The following COL26A1 variants were observed in gnomAD, a reference collection of about 807,000 sequenced individuals.
The protein encoded by COL26A1 is collagen alpha-1(XXVI) chain.
COL26A1 carries 41 observed loss-of-function variants against 59.3 expected under a neutral mutation model. The ratio of observed to expected loss-of-function variants is 0.69; its 90% confidence interval spans 0.54 to 0.90. COL26A1 has a LOEUF of 0.90. Among genes scored for constraint, COL26A1 ranks in the 40% least tolerant of loss-of-function variants. The probability of loss-of-function intolerance (pLI) is 0.00; values close to 1 mark genes in which losing one functional copy is unlikely to be tolerated. For missense variants in COL26A1, 612 were observed against 602.3 expected (o/e 1.02, Z -0.17); for synonymous variants, 266 against 256.0 (o/e 1.04, Z -0.37).
chr7:101,383,817 G>A (rs546239437), intron 1 of COL26A1, among the ~76,000 whole-genome samples: 3 of 152,240 alleles, frequency 2.0e-5, no homozygotes, highest in Admixed American at 6.5e-5. Context: ...TTACAGGCAT[G>A]AGCCACAGCG....
intron 3 of COL26A1, among the ~76,000 whole-genome samples, chr7:101,482,772 C>T (rs1794184461): frequency 6.6e-6 from 1 of 152,292 alleles, no homozygotes; most frequent in South Asian, 2.1e-4. Context: ...GCCTGGCCAA[C>T]ATGGTGAAAA....
intron 3 of COL26A1, among the ~76,000 whole-genome samples, chr7:101,502,588 C>T (rs35290372): frequency 0.058 from 8,870 of 152,278 alleles, 343 homozygotes; most frequent in Non-Finnish European, 0.088. Flanking sequence ...GTGGAGAACA[C>T]AGGACCGGGG....
chr7:101,449,548 C>T (rs979911848), intron 3 of COL26A1, among the ~76,000 whole-genome samples: 3 of 152,190 alleles, frequency 2.0e-5, no homozygotes, highest in East Asian at 1.9e-4. Context: ...GCCGGAGGAT[C>T]GCTTGAGCCC....
chr7:101,547,169 G>T lies in COL26A1; in HGVS notation c.870G>T (p.Arg290Ser). The part of the protein sequence containing the change: ...PPTDKDNGDS[R>S]LASAIVDTVL... ...CTCTTCCCACAGATGGAGACTCAAG[G>T]CTGGCCTCTGCCATCGTGGACACAG... Residue 290 changes from arginine to serine, a missense_variant, in exon 8 of 13, where the codon AGG becomes AGT. Coordinates refer to ENST00000313669, the MANE Select transcript of COL26A1 (RefSeq NM_001278563.3). The T allele has an allele frequency of 6.3e-7, 1 of 1,596,410 alleles. No homozygotes were observed. The highest frequency in any genetic ancestry group is 2.3e-5 in the East Asian group (1 of 43,882).
intron 1 of COL26A1, among the ~76,000 whole-genome samples, chr7:101,402,298 TC>T (rs936163805): frequency 2.0e-4 from 31 of 152,168 alleles, no homozygotes; most frequent in Admixed American, 6.5e-4. Flanking sequence ...TCAGGGATTT[TC>T]CCCCCCAAGT....
intron 3 of COL26A1, among the ~76,000 whole-genome samples, chr7:101,520,663 C>CACACACACACACACACACACAT (rs57784373): frequency 7.2e-6 from 1 of 139,066 alleles, no homozygotes; most frequent in Non-Finnish European, 1.5e-5. Flanking sequence ...CACACACACA[C>CACACACACACACACACACACAT]CCCCGTGTTC....
intron 1 of COL26A1, among the ~76,000 whole-genome samples, chr7:101,365,625 CG>C (rs1352856070): frequency 1.3e-5 from 2 of 151,934 alleles, no homozygotes; most frequent in Non-Finnish European, 2.9e-5. Context: ...AAAAATGTAA[CG>C]TTGGCCAGGC....
At chr7:101,380,356 C>T (rs1043003991) in intron 1 of COL26A1, among the ~76,000 whole-genome samples, 4 of 144,852 alleles carry the variant, frequency 2.8e-5, no homozygotes, top group Admixed American at 7.1e-5. Context: ...AGTGCAGTGG[C>T]GCTATCTTGG....
intron 1 of COL26A1, among the ~76,000 whole-genome samples, chr7:101,378,274 G>T (rs556394476): frequency 6.6e-6 from 1 of 152,104 alleles, no homozygotes; most frequent in African/African-American, 2.4e-5. Flanking sequence ...CAGCTACTTG[G>T]TATTGGCTCT....
intron 1 of COL26A1, among the ~76,000 whole-genome samples, chr7:101,385,537 A>C (rs1481528480): frequency 1.3e-5 from 2 of 151,032 alleles, no homozygotes; most frequent in African/African-American, 4.9e-5. Flanking sequence ...TGCCCAGCTA[A>C]TTTTTGTATT....
intron 1 of COL26A1, among the ~76,000 whole-genome samples, chr7:101,406,030 G>A (rs780646518): frequency 2.0e-5 from 3 of 152,114 alleles, no homozygotes; most frequent in South Asian, 2.1e-4. Context: ...GTGCACTCCC[G>A]GAGCCCCTCT....
chr7:101,431,556 G>A (rs1469266347), intron 2 of COL26A1, among the ~76,000 whole-genome samples: 3 of 151,972 alleles, frequency 2.0e-5, no homozygotes, highest in Non-Finnish European at 4.4e-5. Flanking sequence ...CACCATGCCC[G>A]GCTGTAAGGT....
chr7:101,476,798 C>T (rs969198040), intron 3 of COL26A1, among the ~76,000 whole-genome samples: 5 of 151,238 alleles, frequency 3.3e-5, no homozygotes, highest in Admixed American at 1.3e-4. Context: ...CCACCCACCT[C>T]GGCCTCCCAA....
At chr7:101,474,482 C>T (rs1203062741) in intron 3 of COL26A1, among the ~76,000 whole-genome samples, 2 of 152,046 alleles carry the variant, frequency 1.3e-5, no homozygotes, top group Non-Finnish European at 2.9e-5. Context: ...GACTCAGCTA[C>T]TCAGGGGGCT....
intron 9 of COL26A1, among the ~76,000 whole-genome samples, chr7:101,549,919 C>G (rs977943942): frequency 6.6e-6 from 1 of 152,150 alleles, no homozygotes; most frequent in Non-Finnish European, 1.5e-5. Flanking sequence ...GCACCCCAAG[C>G]CTGACTCAGC....
intron 4 of COL26A1, among the ~76,000 whole-genome samples, chr7:101,538,144 C>T (rs1795522336): frequency 6.6e-6 from 1 of 152,186 alleles, no homozygotes; most frequent in African/African-American, 2.4e-5. Context: ...CATCACGTGA[C>T]CTGACAGCCA....
At chr7:101,523,218 C>T (rs1003720797) in intron 3 of COL26A1, among the ~76,000 whole-genome samples, 17 of 152,038 alleles carry the variant, frequency 1.1e-4, no homozygotes, top group African/African-American at 4.1e-4. Flanking sequence ...TACAGGCATG[C>T]GCCACCATGC....
At chr7:101,362,458 T>C (rs535882280), upstream of COL26A1, among the ~76,000 whole-genome samples, 94 of 152,312 alleles carry the variant, frequency 6.2e-4, no homozygotes, top group African/African-American at 2.2e-3. Context: ...ACGCAGCGCT[T>C]TGATCCAAAG....
intron 3 of COL26A1, among the ~76,000 whole-genome samples, chr7:101,517,416 G>C (rs1563023018): frequency 6.6e-6 from 1 of 152,146 alleles, no homozygotes; most frequent in Non-Finnish European, 1.5e-5. Flanking sequence ...CCACGTGGCT[G>C]GGGGAGCCTC....
Sources: allele counts gnomAD v4.1 joint callset (sites outside exome capture counted in the v4.1 genomes callset), GRCh38; gene constraint gnomAD v4.1.1; transcripts MANE v1.5; gene names NCBI Gene and HGNC (gene_info 2026-07-23, HGNC 2026-07-21).